Variants in SMIM7 observed in about 807,000 individuals in gnomAD.
SMIM7 encodes UPF0608 protein C19orf42.
Under a neutral mutation model 13.3 loss-of-function variants are expected in SMIM7, and 12 were observed. The observed-to-expected ratio is 0.90, with a 90% CI of 0.58 to 1.46. The LOEUF (loss-of-function observed/expected upper bound fraction) is 1.46, where lower values mean the gene tolerates loss of function less well. Ranked by LOEUF, SMIM7 falls within the 40% of genes most tolerant of loss-of-function variation. The pLI is 0.00. For synonymous variants in SMIM7, 36 were observed against 35.8 expected (o/e 1.01, Z -0.02); for missense variants, 114 against 94.8 (o/e 1.20, Z -0.84).
chr19:16,632,833 A>G (rs1260669572), intron 4 of SMIM7, among the ~76,000 whole-genome samples: 2 of 152,060 alleles, frequency 1.3e-5, no homozygotes, highest in Non-Finnish European at 2.9e-5. Flanking sequence ...TGCCCGGCCA[A>G]CTGGGAGCAT....
chr19:16,646,095 A>C (rs2122510437), downstream of SMIM7: 1 of 151,938 alleles, frequency 6.6e-6, no homozygotes, highest in East Asian at 1.9e-4. Context: ...AAAAGGACTC[A>C]GGTTGGAAAT....
intron 4 of SMIM7, among the ~76,000 whole-genome samples, chr19:16,632,333 C>T (rs2086327766): frequency 6.6e-6 from 1 of 152,004 alleles, no homozygotes; most frequent in Admixed American, 6.6e-5. Context: ...CTAACCTTGA[C>T]ATGTCAAAGA....
At chr19:16,650,002 C>T (rs2086500380) in intron 4 of SMIM7, among the ~76,000 whole-genome samples, 1 of 152,002 alleles carries the variant, frequency 6.6e-6, no homozygotes, top group South Asian at 2.1e-4. Flanking sequence ...AATGGGGACG[C>T]GGTTTCTTTC....
chr19:16,636,247 G>C (rs2086360508), intron 4 of SMIM7: 1 of 152,192 alleles, frequency 6.6e-6, no homozygotes, highest in African/African-American at 2.4e-5. Context: ...GCCTCTAAAA[G>C]CTGGAGAAGG....
Position 16,660,073 on chromosome 19 carries a change from C to T in SMIM7, c.26+12G>A, listed in dbSNP as rs777111974. Reference sequence around the variant, plus strand: ...TGGCTCTCTCTTCCCAGCCTCTGGTCCCCCTAATTACCCGAACAGCAGGAT... The same window carrying T: ...TGGCTCTCTCTTCCCAGCCTCTGGTTCCCCTAATTACCCGAACAGCAGGAT... On this transcript the variant is annotated intron_variant, in intron 1 of 4. Coordinates refer to ENST00000487416, the MANE Select transcript of SMIM7 (RefSeq NM_024104.4). The T allele has an allele frequency of 5.0e-6, 8 of 1,614,194 alleles. No individual in the cohort carries two copies. The highest frequency in any genetic ancestry group is 6.8e-6 in the Non-Finnish European group (8 of 1,180,020).
At chr19:16,654,655 T>G (rs910819737) in intron 3 of SMIM7, among the ~76,000 whole-genome samples, 5 of 152,014 alleles carry the variant, frequency 3.3e-5, no homozygotes, top group African/African-American at 1.2e-4. Context: ...GTGTTGAGAT[T>G]ACAGGCATGA....
chr19:16,646,797 G>A lies in SMIM7; in HGVS notation c.*449C>T. ...CGCAGCTGCACTGAGTGGCCAAGCA[G>A]ACCCTGTTGGGATGTGAAAGCAGTT... On this transcript the variant is annotated 3_prime_UTR_variant, in exon 5 of 5. Transcript: ENST00000487416. 1 of 211,840 alleles carries A rather than the reference G, an allele frequency of 4.7e-6. No homozygotes were observed. Among genetic ancestry groups the A allele is most frequent in the Non-Finnish European group, 9.8e-6 (1 of 101,846 alleles). The allele number at this position is 211,840 out of a possible 1,614,324, so 13.1% of individuals were successfully genotyped here. A position where few individuals can be genotyped will look rare whatever the true frequency, so the allele number is the denominator to read the frequency against.
At chr19:16,651,463 GTCAA>G (rs1359722738) in intron 4 of SMIM7, among the ~76,000 whole-genome samples, 3 of 152,206 alleles carry the variant, frequency 2.0e-5, no homozygotes, top group African/African-American at 4.8e-5. Flanking sequence ...ACCAAGGTGG[GTCAA>G]TCAGACTCTG....
downstream of SMIM7, chr19:16,645,946 G>C (rs532768513): frequency 1.3e-5 from 2 of 152,120 alleles, no homozygotes; most frequent in Admixed American, 1.3e-4. Context: ...ACAGGTATGA[G>C]CCACTGCGCG....
At chr19:16,642,295 T>C (rs111625220), downstream of SMIM7, among the ~76,000 whole-genome samples, 12 of 152,336 alleles carry the variant, frequency 7.9e-5, no homozygotes, top group African/African-American at 2.9e-4. Flanking sequence ...CGGTGGCTCA[T>C]GCCTGTAATC....
At chr19:16,653,839 G>A (rs1236924440) in intron 4 of SMIM7, 196 bp downstream of exon 4, 1 of 561,444 alleles carries the variant, frequency 1.8e-6, no homozygotes, top group Non-Finnish European at 3.1e-6. Context: ...AGGTTGCAGT[G>A]AGCCCAGATC....
intron 4 of SMIM7, among the ~76,000 whole-genome samples, chr19:16,639,175 G>A (rs943092323): frequency 6.8e-6 from 1 of 147,004 alleles, no homozygotes; most frequent in Non-Finnish European, 1.5e-5. Context: ...AGGCTGGAGT[G>A]CAGTGGCGTG....
At chr19:16,655,676 A>G in intron 3 of SMIM7, among the ~76,000 whole-genome samples, 1 of 113,784 alleles carries the variant, frequency 8.8e-6, no homozygotes, top group Non-Finnish European at 1.7e-5. Flanking sequence ...GCAAGACTCC[A>G]TCTCAAAAAA....
intron 4 of SMIM7, 23 bp downstream of exon 4, chr19:16,654,012 A>G: frequency 6.2e-7 from 1 of 1,606,168 alleles, no homozygotes; most frequent in Non-Finnish European, 8.5e-7. Context: ...CGACAGTGAA[A>G]GGAAAGGGCA....
intron 4 of SMIM7, among the ~76,000 whole-genome samples, chr19:16,651,522 T>G (rs2086524322): frequency 6.6e-6 from 1 of 152,134 alleles, no homozygotes; most frequent in African/African-American, 2.4e-5. Context: ...ACTATGCAGG[T>G]CTTGGAAAGT....
intron 4 of SMIM7, among the ~76,000 whole-genome samples, chr19:16,648,103 CA>C (rs1313368050): frequency 6.6e-6 from 1 of 151,888 alleles, no homozygotes; most frequent in East Asian, 1.9e-4. Context: ...GCACAAGTGA[CA>C]AAAAGACAAA....
downstream of SMIM7, among the ~76,000 whole-genome samples, chr19:16,641,738 A>G (rs1341645861): frequency 2.6e-5 from 4 of 152,202 alleles, no homozygotes; most frequent in South Asian, 6.2e-4. Flanking sequence ...AGCTTGGACT[A>G]TAAGCGTGCA....
chr19:16,630,890 G>C (rs778032167), exon 5 of SMIM7: 33 of 152,324 alleles, frequency 2.2e-4, no homozygotes, highest in Non-Finnish European at 4.7e-4. Context: ...AGTTCACTTA[G>C]CCAACTTTCT....
chr19:16,633,290 C>T (rs140477234), intron 4 of SMIM7, among the ~76,000 whole-genome samples: 6,454 of 151,698 alleles, frequency 0.043, 232 homozygotes, highest in South Asian at 0.061. Flanking sequence ...AACCCTGTCT[C>T]TACTAAAAAT....
Sources: allele counts gnomAD v4.1 joint callset (sites outside exome capture counted in the v4.1 genomes callset), GRCh38; gene constraint gnomAD v4.1.1; transcripts MANE v1.5; gene names NCBI Gene and HGNC (gene_info 2026-07-23, HGNC 2026-07-21).